Variants in PCDH9 observed in about 807,000 individuals in gnomAD.
PCDH9 encodes the protein protocadherin-9.
A neutral mutation model predicts 70.6 loss-of-function variants in PCDH9; 24 were observed. The observed-to-expected ratio is 0.34, with a 90% CI of 0.25 to 0.48. PCDH9 has a LOEUF of 0.48. Among genes scored for constraint, PCDH9 ranks in the 20% least tolerant of loss-of-function variants. The pLI is 0.99. For synonymous variants in PCDH9, 562 were observed against 558.5 expected (o/e 1.01, Z -0.09); for missense variants, 1,281 against 1,503.6 (o/e 0.85, Z 2.45).
chr13:67,156,139 G>A (rs2087805985), intron 2 of PCDH9, among the ~76,000 whole-genome samples: 1 of 152,052 alleles, frequency 6.6e-6, no homozygotes, highest in African/African-American at 2.4e-5. Flanking sequence ...CGACCTAGAT[G>A]AGGACCTGGC....
At chr13:66,997,491 C>G (rs766335457) in intron 2 of PCDH9, among the ~76,000 whole-genome samples, 1 of 143,334 alleles carries the variant, frequency 7.0e-6, no homozygotes, top group Non-Finnish European at 1.6e-5. Context: ...AGGCTCGTCA[C>G]CAACACTGGA....
chr13:66,875,126 A>T (rs1465707716), intron 3 of PCDH9, among the ~76,000 whole-genome samples: 1 of 152,174 alleles, frequency 6.6e-6, no homozygotes, highest in African/African-American at 2.4e-5. Context: ...CAGTATCAAC[A>T]TCTCCCCTAA....
chr13:66,574,647 A>T (rs1459016754), intron 4 of PCDH9, among the ~76,000 whole-genome samples: 1 of 152,188 alleles, frequency 6.6e-6, no homozygotes, highest in Non-Finnish European at 1.5e-5. Context: ...CCTCAGAAAT[A>T]ATTTATTTAA....
chr13:67,013,549 T>G (rs2084495529), intron 2 of PCDH9, among the ~76,000 whole-genome samples: 1 of 151,964 alleles, frequency 6.6e-6, no homozygotes, highest in Admixed American at 6.6e-5. Flanking sequence ...ATTTTTGATT[T>G]TTATACACTA....
At chr13:66,974,905 AAC>A (rs2083588146) in intron 2 of PCDH9, among the ~76,000 whole-genome samples, 2 of 152,070 alleles carry the variant, frequency 1.3e-5, no homozygotes, top group Non-Finnish European at 2.9e-5. Flanking sequence ...GTTATGACAT[AAC>A]CTGGTTTAAA....
At chr13:66,917,712 G>T (rs1435395882) in intron 2 of PCDH9, among the ~76,000 whole-genome samples, 1 of 151,344 alleles carries the variant, frequency 6.6e-6, no homozygotes, top group African/African-American at 2.4e-5. Flanking sequence ...AGAGATACAT[G>T]AATATTCCCT....
intron 3 of PCDH9, among the ~76,000 whole-genome samples, chr13:66,718,533 A>C (rs2078900611): frequency 1.3e-5 from 2 of 152,210 alleles, no homozygotes; most frequent in African/African-American, 4.8e-5. Flanking sequence ...AATAGAACTA[A>C]AAGACAAAAC....
At chr13:66,426,730 A>G (rs1390638284) in intron 4 of PCDH9, among the ~76,000 whole-genome samples, 2 of 151,584 alleles carry the variant, frequency 1.3e-5, no homozygotes, top group South Asian at 2.1e-4. Flanking sequence ...TCATCTTAAT[A>G]AAGGTTTACC....
intron 3 of PCDH9, among the ~76,000 whole-genome samples, chr13:66,749,587 A>G (rs766468085): frequency 1.1e-4 from 17 of 152,318 alleles, no homozygotes; most frequent in Non-Finnish European, 2.5e-4. Context: ...CTTAACTGCC[A>G]TAGAAAATTT....
chr13:66,705,049 A>G (rs1179672309), intron 3 of PCDH9, among the ~76,000 whole-genome samples: 2 of 152,148 alleles, frequency 1.3e-5, no homozygotes, highest in Non-Finnish European at 2.9e-5. Flanking sequence ...GGGCTGTACA[A>G]TATATACCTT....
At chr13:66,868,277 T>C (rs2139499792) in intron 3 of PCDH9, among the ~76,000 whole-genome samples, 1 of 152,140 alleles carries the variant, frequency 6.6e-6, no homozygotes, top group East Asian at 1.9e-4. Flanking sequence ...CATGACAAAA[T>C]TCTATAATTA....
intron 3 of PCDH9, among the ~76,000 whole-genome samples, chr13:66,635,447 T>C (rs1419448383): frequency 6.6e-6 from 1 of 152,150 alleles, no homozygotes; most frequent in African/African-American, 2.4e-5. Context: ...TCAGAAATTC[T>C]ACTCTACACA....
chr13:66,933,697 A>G (rs2082854368), intron 2 of PCDH9, among the ~76,000 whole-genome samples: 1 of 152,172 alleles, frequency 6.6e-6, no homozygotes, highest in African/African-American at 2.4e-5. Context: ...AGCAATTTCA[A>G]CGTCAGGCAA....
intron 4 of PCDH9, among the ~76,000 whole-genome samples, chr13:66,445,586 C>T (rs1170661379): frequency 2.2e-5 from 3 of 138,620 alleles, no homozygotes; most frequent in African/African-American, 5.3e-5. Context: ...TATATATACA[C>T]ATATATATTA....
At chr13:66,699,068 T>C (rs370361674) in intron 3 of PCDH9, among the ~76,000 whole-genome samples, 32 of 151,744 alleles carry the variant, frequency 2.1e-4, no homozygotes, top group African/African-American at 7.3e-4. Context: ...GCACCCACCA[T>C]CATGTCCGGC....
chr13:67,194,318 A>C (rs1425502323), intron 2 of PCDH9, among the ~76,000 whole-genome samples: 2 of 152,100 alleles, frequency 1.3e-5, no homozygotes, highest in Non-Finnish European at 2.9e-5. Flanking sequence ...ATAGGGGACA[A>C]AAATTCAATC....
intron 4 of PCDH9, among the ~76,000 whole-genome samples, chr13:66,476,071 G>A (rs1958721976): frequency 6.6e-6 from 1 of 151,928 alleles, no homozygotes. Flanking sequence ...TGAGAACTGG[G>A]TACTCTCTCT....
At chr13:66,837,656 T>G (rs117323618) in intron 3 of PCDH9, among the ~76,000 whole-genome samples, 1,793 of 152,326 alleles carry the variant, frequency 0.012, 27 homozygotes, top group Non-Finnish European at 0.016. Flanking sequence ...TTTCTGTTCT[T>G]ATTTCCAATG....
At chr13:66,490,407 G>T (rs1363475746) in intron 4 of PCDH9, among the ~76,000 whole-genome samples, 1 of 152,146 alleles carries the variant, frequency 6.6e-6, no homozygotes, top group African/African-American at 2.4e-5. Context: ...AAAACTTGTT[G>T]CTGTCCATCT....
Sources: allele counts gnomAD v4.1 joint callset (sites outside exome capture counted in the v4.1 genomes callset), GRCh38; gene constraint gnomAD v4.1.1; transcripts MANE v1.5; gene names NCBI Gene and HGNC (gene_info 2026-07-23, HGNC 2026-07-21).